Variants in ARHGAP31 observed in about 807,000 individuals in gnomAD.
The protein encoded by ARHGAP31 is rho GTPase-activating protein 31.
ARHGAP31 carries 34 observed loss-of-function variants against 113.9 expected under a neutral mutation model. That is an observed-to-expected ratio of 0.30 (90% CI 0.23 to 0.40). The LOEUF is 0.40. Among genes scored for constraint, ARHGAP31 ranks in the 10% least tolerant of loss-of-function variants. The pLI is 1.00. For missense variants in ARHGAP31, 1,548 were observed against 1,767.1 expected (o/e 0.88, Z 2.22); for synonymous variants, 650 against 684.8 (o/e 0.95, Z 0.79).
chr3:119,346,946 A>T (rs1347352421), intron 1 of ARHGAP31, among the ~76,000 whole-genome samples: 1 of 152,152 alleles, frequency 6.6e-6, no homozygotes, highest in Non-Finnish European at 1.5e-5. Context: ...TCCAACTCTG[A>T]CATTCCAGAA....
At position 119,294,639 on chromosome 3, in the gene ARHGAP31, A is replaced by G. The variant is rs1296961659; in HGVS notation, c.-266A>G. 1 of 559,908 alleles carries G rather than the reference A, an allele frequency of 1.8e-6. No homozygotes were observed. Among genetic ancestry groups the G allele is most frequent in the East Asian group, 3.1e-5 (1 of 32,184 alleles). 34.7% of individuals were successfully genotyped at this position (559,908 alleles called of 1,614,324 possible). ...CCCTAGGACTCCAAGTGAGGAAGTG[A>G]CACTCCCAGGCGAGCCGGCCCGCGG... On this transcript the variant is annotated 5_prime_UTR_variant, in exon 1 of 12. Coordinates refer to ENST00000264245, the MANE Select transcript of ARHGAP31 (RefSeq NM_020754.4).
intron 10 of ARHGAP31, among the ~76,000 whole-genome samples, chr3:119,408,464 G>A (rs2080685170): frequency 1.3e-5 from 2 of 152,166 alleles, no homozygotes; most frequent in South Asian, 4.1e-4. Flanking sequence ...GGCAATGAGT[G>A]GTTTGGTCTT....
At chr3:119,369,321 A>G (rs1204591328) in intron 3 of ARHGAP31, among the ~76,000 whole-genome samples, 2 of 152,196 alleles carry the variant, frequency 1.3e-5, no homozygotes, top group African/African-American at 2.4e-5. Flanking sequence ...GGGGGCATTG[A>G]AACAATTTAC....
At chr3:119,384,207 A>G (rs765439603) in intron 6 of ARHGAP31, among the ~76,000 whole-genome samples, 1 of 152,194 alleles carries the variant, frequency 6.6e-6, no homozygotes, top group African/African-American at 2.4e-5. Context: ...TTCCTGGTAT[A>G]ACTGTTCCCA....
rs2080787091 is a variant in ARHGAP31, at chr3:119,417,318, G to A, written c.*1054G>A. 1 of 152,218 alleles carries A rather than the reference G, an allele frequency of 6.6e-6. No individual in the cohort carries two copies. The highest frequency in any genetic ancestry group is 1.5e-5 in the Non-Finnish European group (1 of 68,086). 9.4% of individuals were successfully genotyped at this position (152,218 alleles called of 1,614,324 possible). On this transcript the variant is annotated 3_prime_UTR_variant, in exon 12 of 12. Transcript: ENST00000264245. ...GCAATACAGGAGAGGATGAAGGGAG[G>A]AGCTCCAGGAGGCGAGGGAAGAGCC...
chr3:119,321,287 ATATATATAG>A (rs2079782731), intron 1 of ARHGAP31, among the ~76,000 whole-genome samples: 1 of 147,186 alleles, frequency 6.8e-6, no homozygotes, highest in Non-Finnish European at 1.5e-5. Context: ...TACTATATAT[ATATATATAG>A]TATATATATA....
chr3:119,390,798 C>A lies in ARHGAP31; in HGVS notation c.696C>A (p.Ile232=), dbSNP rs374092986. The A allele has an allele frequency of 3.5e-5, 56 of 1,612,444 alleles. No individual in the cohort carries two copies. Among genetic ancestry groups the A allele is most frequent in the Non-Finnish European group, 4.3e-5 (51 of 1,180,008 alleles). Residue 232 remains isoleucine, a synonymous_variant, in exon 7 of 12, where the codon ATC becomes ATA. Coordinates refer to ENST00000264245, the MANE Select transcript of ARHGAP31 (RefSeq NM_020754.4). Reference sequence around the variant, plus strand: ...TTGCCTTTACAGAAAACCGGCCCATCATGAAGAGCCTGACCTTGCCAGCCC... The same window carrying A: ...TTGCCTTTACAGAAAACCGGCCCATAATGAAGAGCCTGACCTTGCCAGCCC... ...GSLENDENRP[I]MKSLTLPALS...
At chr3:119,390,024 C>T (rs559514183) in intron 6 of ARHGAP31, among the ~76,000 whole-genome samples, 90 of 152,248 alleles carry the variant, frequency 5.9e-4, no homozygotes, top group African/African-American at 2.1e-3. Flanking sequence ...TATCTCCAGA[C>T]ATTGCCAGAT....
intron 11 of ARHGAP31, among the ~76,000 whole-genome samples, chr3:119,411,150 CAG>C (rs551696367): frequency 3.9e-5 from 6 of 152,118 alleles, no homozygotes; most frequent in Non-Finnish European, 8.8e-5. Flanking sequence ...AAGTGAGACT[CAG>C]GGGGATGCAG....
intron 1 of ARHGAP31, among the ~76,000 whole-genome samples, chr3:119,361,095 G>A (rs1210404865): frequency 6.6e-6 from 1 of 152,196 alleles, no homozygotes; most frequent in Non-Finnish European, 1.5e-5. Context: ...GGACCCCTGG[G>A]ACAATAGTTT....
chr3:119,294,580 A>C lies in ARHGAP31; in HGVS notation c.-325A>C. ...TGCCCTCCCTCTTAAGCTGAGGAGA[A>C]ACACCCGAAGACACCGCAGGAGCCT... is the stretch of plus-strand genomic sequence containing the variant. On this transcript the variant is annotated 5_prime_UTR_variant, in exon 1 of 12. Transcript: ENST00000264245. The C allele has an allele frequency of 2.0e-6, 1 of 509,418 alleles. No individual in the cohort carries two copies. Among genetic ancestry groups the C allele is most frequent in the Non-Finnish European group, 3.4e-6 (1 of 295,040 alleles). 31.6% of individuals were successfully genotyped at this position (509,418 alleles called of 1,614,324 possible).
chr3:119,362,627 G>A (rs1031844443), intron 1 of ARHGAP31, among the ~76,000 whole-genome samples: 1 of 152,072 alleles, frequency 6.6e-6, no homozygotes. Context: ...AATTAGCTGG[G>A]CATGGTGGCA....
chr3:119,381,603 T>G (rs1198400702), intron 4 of ARHGAP31, among the ~76,000 whole-genome samples: 1 of 152,168 alleles, frequency 6.6e-6, no homozygotes, highest in African/African-American at 2.4e-5. Context: ...GCTGGGAGAA[T>G]TTTTATTAAA....
Position 119,418,735 on chromosome 3 carries a change from G to T in ARHGAP31, c.*2471G>T, listed in dbSNP as rs886057814. ...CTGACATTTATAGCATCACCTTCAG[G>T]AACACAGTTCTGGGGATGTCATCAT... On this transcript the variant is annotated 3_prime_UTR_variant, in exon 12 of 12. Transcript: ENST00000264245. The T allele has an allele frequency of 6.6e-6, 1 of 152,084 alleles. No individual in the cohort carries two copies. The highest frequency in any genetic ancestry group is 1.5e-5 in the Non-Finnish European group (1 of 68,028). The allele number at this position is 152,084 out of a possible 1,614,324, so 9.4% of individuals were successfully genotyped here. A position where few individuals can be genotyped will look rare whatever the true frequency, so the allele number is the denominator to read the frequency against.
rs1363859422 is a variant in ARHGAP31, at chr3:119,418,331, A to C, written c.*2067A>C. 3 of 152,228 alleles carry C rather than the reference A, an allele frequency of 2.0e-5. No homozygotes were observed. The East Asian group carries it at 5.8e-4, about 29-fold the overall frequency. The allele number at this position is 152,228 out of a possible 1,614,324, so 9.4% of individuals were successfully genotyped here. ...CCAGGCCAGCAAAGTGAAGAAATAC[A>C]GTGGTGACAGATGAGAAAGGCCATG... is the stretch of plus-strand genomic sequence containing the variant. On this transcript the variant is annotated 3_prime_UTR_variant, in exon 12 of 12. Coordinates refer to ENST00000264245, the MANE Select transcript of ARHGAP31 (RefSeq NM_020754.4).
chr3:119,373,174 A>C (rs2080316969), intron 3 of ARHGAP31, among the ~76,000 whole-genome samples: 1 of 152,172 alleles, frequency 6.6e-6, no homozygotes. Context: ...TTAAAAGGCA[A>C]ATGACTAAAT....
chr3:119,372,125 G>C (rs1290006368), intron 3 of ARHGAP31, among the ~76,000 whole-genome samples: 1 of 152,154 alleles, frequency 6.6e-6, no homozygotes, highest in East Asian at 1.9e-4. Flanking sequence ...TATATACCCA[G>C]TAGTGGGATT....
intron 1 of ARHGAP31, among the ~76,000 whole-genome samples, chr3:119,302,992 C>G (rs1559960083): frequency 6.6e-6 from 1 of 152,228 alleles, no homozygotes; most frequent in Non-Finnish European, 1.5e-5. Flanking sequence ...TCCCAGGTCC[C>G]TTGCCCACTG....
At chr3:119,320,048 G>C (rs1339641504) in intron 1 of ARHGAP31, among the ~76,000 whole-genome samples, 1 of 152,178 alleles carries the variant, frequency 6.6e-6, no homozygotes, top group Non-Finnish European at 1.5e-5. Context: ...ACCCCACAGA[G>C]AGTCCTAGAT....
Sources: gnomAD v4.1 joint callset for allele counts (sites outside exome capture counted in the v4.1 genomes callset) on GRCh38, gnomAD v4.1.1 for gene constraint, MANE v1.5 for transcripts, NCBI Gene and HGNC (gene_info 2026-07-23, HGNC 2026-07-21) for gene names.